The following FIP1L1 variants were observed in gnomAD, a reference collection of about 807,000 sequenced individuals.
The protein encoded by FIP1L1 is pre-mRNA 3'-end-processing factor FIP1.
Under a neutral mutation model 84.6 loss-of-function variants are expected in FIP1L1, and 21 were observed. The ratio of observed to expected loss-of-function variants is 0.25; its 90% confidence interval spans 0.18 to 0.36. The LOEUF is 0.36. Among genes scored for constraint, FIP1L1 ranks in the 10% least tolerant of loss-of-function variants. FIP1L1 has a pLI of 1.00. For missense variants in FIP1L1, 526 were observed against 751.1 expected (o/e 0.70, Z 3.50); for synonymous variants, 263 against 242.3 (o/e 1.09, Z -0.80).
intron 10 of FIP1L1, among the ~76,000 whole-genome samples, chr4:53,401,363 C>T (rs558593723): frequency 2.3e-4 from 35 of 152,168 alleles, no homozygotes; most frequent in African/African-American, 7.5e-4. Flanking sequence ...GACTCACTGG[C>T]GGATTTTGAG....
chr4:53,401,064 T>C (rs1212014136), intron 10 of FIP1L1, among the ~76,000 whole-genome samples: 5 of 152,196 alleles, frequency 3.3e-5, no homozygotes, highest in Non-Finnish European at 7.4e-5. Flanking sequence ...TCTAATCTTA[T>C]GCCTTGATTT....
chr4:53,401,423 G>T (rs537567270), intron 10 of FIP1L1, among the ~76,000 whole-genome samples: 1 of 152,094 alleles, frequency 6.6e-6, no homozygotes, highest in Non-Finnish European at 1.5e-5. Context: ...CGATTTAGTC[G>T]CTTTACTAAA....
At chr4:53,422,739 G>A (rs1762880467) in intron 11 of FIP1L1, among the ~76,000 whole-genome samples, 2 of 151,200 alleles carry the variant, frequency 1.3e-5, no homozygotes. Flanking sequence ...TTTTGAGACA[G>A]GCTCTTGTTT....
Position 53,459,508 on chromosome 4 carries a change from A to G in FIP1L1, c.*59A>G. 1 of 1,604,116 alleles carries G rather than the reference A, an allele frequency of 6.2e-7. No homozygotes were observed. The highest frequency in any genetic ancestry group is 8.5e-7 in the Non-Finnish European group (1 of 1,173,516). On this transcript the variant is annotated 3_prime_UTR_variant, in exon 18 of 18. Coordinates refer to ENST00000337488, the MANE Select transcript of FIP1L1 (RefSeq NM_030917.4). Reference sequence around the variant, plus strand: ...AGAAGTAGATACTATAAATCTTGTTATTTTTCTGGATAATGTTTAAGAAAT... The same window carrying G: ...AGAAGTAGATACTATAAATCTTGTTGTTTTTCTGGATAATGTTTAAGAAAT...
At chr4:53,424,543 T>TA (rs1763606341) in intron 11 of FIP1L1, among the ~76,000 whole-genome samples, 1 of 152,116 alleles carries the variant, frequency 6.6e-6, no homozygotes, top group East Asian at 1.9e-4. Context: ...TAAATTGTAC[T>TA]AAAGTTATAG....
rs1721474016 is a variant in FIP1L1, at chr4:53,459,840, G to C, written c.*391G>C. On this transcript the variant is annotated 3_prime_UTR_variant, in exon 18 of 18. Transcript: ENST00000337488. ...AGGCTGCATCACAAAAGGCAACAAAGGGCCCCTCTAAGGCTTGAGATTAAA... is the reference window on the plus strand; with the variant it reads ...AGGCTGCATCACAAAAGGCAACAAACGGCCCCTCTAAGGCTTGAGATTAAA... The C allele has an allele frequency of 3.9e-6, 1 of 255,998 alleles. No individual in the cohort carries two copies. The highest frequency in any genetic ancestry group is 2.2e-5 in the African/African-American group (1 of 45,200). The allele number at this position is 255,998 out of a possible 1,614,324, so 15.9% of individuals were successfully genotyped here.
At chr4:53,427,718 A>G (rs925504962) in intron 12 of FIP1L1, among the ~76,000 whole-genome samples, 1 of 152,192 alleles carries the variant, frequency 6.6e-6, no homozygotes, top group Non-Finnish European at 1.5e-5. Context: ...GATCTTTATG[A>G]AGTACTTTTT....
intron 13 of FIP1L1, among the ~76,000 whole-genome samples, chr4:53,434,618 T>G (rs116392696): frequency 0.018 from 2,672 of 152,138 alleles, 85 homozygotes; most frequent in African/African-American, 0.061. Flanking sequence ...ATTACCAGCA[T>G]GTACTGCCAC....
chr4:53,395,993 A>C (rs1747070403), intron 9 of FIP1L1, among the ~76,000 whole-genome samples: 1 of 151,240 alleles, frequency 6.6e-6, no homozygotes, highest in Admixed American at 6.6e-5. Context: ...ATCTTGGCTC[A>C]CTGCAACCTC....
intron 5 of FIP1L1, among the ~76,000 whole-genome samples, chr4:53,385,527 T>C (rs1740520498): frequency 6.6e-6 from 1 of 152,104 alleles, no homozygotes; most frequent in Admixed American, 6.5e-5. Context: ...GAAACTGTGA[T>C]TTATGGAGTT....
intron 11 of FIP1L1, among the ~76,000 whole-genome samples, chr4:53,420,297 T>C (rs1761840501): frequency 1.4e-5 from 2 of 145,106 alleles, no homozygotes. Context: ...CTGGGCGTGG[T>C]AGCATGCGTC....
rs1471549289 is a variant in FIP1L1, at chr4:53,460,084, C to T, written c.*635C>T. On this transcript the variant is annotated 3_prime_UTR_variant, in exon 18 of 18. Coordinates refer to ENST00000337488, the MANE Select transcript of FIP1L1 (RefSeq NM_030917.4). ...TAATTAATTACCCATAGTGTAGTTT[C>T]TAGGAGGCATGTGTACACACACTCT... The T allele has an allele frequency of 5.0e-6, 1 of 199,696 alleles. No individual in the cohort carries two copies. Among genetic ancestry groups the T allele is most frequent in the Non-Finnish European group, 1.0e-5 (1 of 96,982 alleles). The allele number at this position is 199,696 out of a possible 1,614,324, so 12.4% of individuals were successfully genotyped here.
chr4:53,423,681 G>C (rs1365181680), intron 11 of FIP1L1, among the ~76,000 whole-genome samples: 1 of 152,038 alleles, frequency 6.6e-6, no homozygotes, highest in Non-Finnish European at 1.5e-5. Context: ...AAAAAATACG[G>C]GCACAAGGAG....
intron 10 of FIP1L1, among the ~76,000 whole-genome samples, chr4:53,411,236 A>G (rs1240478178): frequency 6.6e-6 from 1 of 152,196 alleles, no homozygotes; most frequent in African/African-American, 2.4e-5. Flanking sequence ...ATGGAGGGCA[A>G]ATATAGGTAA....
chr4:53,420,932 CA>C (rs567018067), intron 11 of FIP1L1, among the ~76,000 whole-genome samples: 8 of 152,140 alleles, frequency 5.3e-5, no homozygotes, highest in Non-Finnish European at 1.0e-4. Context: ...AAATGTCTAG[CA>C]GTCTCTTGAA....
chr4:53,407,130 T>A (rs1041770164), intron 10 of FIP1L1, among the ~76,000 whole-genome samples: 1 of 152,214 alleles, frequency 6.6e-6, no homozygotes, highest in Non-Finnish European at 1.5e-5. Context: ...CTTTCCTTCT[T>A]TCTCTTGTGG....
rs1425183493 is a variant in FIP1L1 at position 53,377,846 on chromosome 4, C to T, written c.8C>T (p.Ala3Val). The change falls in exon 1 of 18, where the codon GCC becomes GTC. Residue 3 changes from alanine (A) to valine (V), a missense_variant. Ala to Val is a moderately conservative substitution (Grantham distance 64, BLOSUM62 0). This residue lies in a region of FIP1L1 where 100 missense variants were observed against 107.2 expected (regional missense o/e 0.93). Transcript: ENST00000337488. MS[A>V]GEVERLVSEL... ...GTTGCGCTCGGGGCGGCCATGTCGG[C>T]CGGCGAGGTCGAGCGCCTAGTGTCG... 6.3e-7 allele frequency: 1 copy of T among 1,582,886 alleles called. No homozygotes were observed. The highest frequency in any genetic ancestry group is 8.6e-7 in the Non-Finnish European group (1 of 1,164,496).
intron 17 of FIP1L1, 67 bp downstream of exon 17, chr4:53,458,857 T>C: frequency 3.3e-6 from 5 of 1,530,234 alleles, no homozygotes; most frequent in African/African-American, 1.4e-5. Flanking sequence ...CATTGTCGCA[T>C]TGGAAGAGGG....
At chr4:53,448,138 T>C (rs185090577) in intron 15 of FIP1L1, among the ~76,000 whole-genome samples, 496 of 152,238 alleles carry the variant, frequency 3.3e-3, no homozygotes, top group Non-Finnish European at 4.5e-3. Context: ...GAAAAAGTTT[T>C]CAAGTTTTGC....
Sources: gnomAD v4.1 joint callset for allele counts (sites outside exome capture counted in the v4.1 genomes callset) on GRCh38, gnomAD v4.1.1 for gene constraint, gnomAD v4.1.1 regional missense constraint, MANE v1.5 for transcripts, NCBI Gene and HGNC (gene_info 2026-07-23, HGNC 2026-07-21) for gene names.